CDH12: variants seen among roughly 807,000 people sequenced by gnomAD.
CDH12 encodes the protein cadherin-12.
CDH12 carries 41 observed loss-of-function variants against 74.1 expected under a neutral mutation model. The ratio of observed to expected loss-of-function variants is 0.55; its 90% CI spans 0.43 to 0.72. CDH12 has a LOEUF of 0.72. CDH12 is among the 30% of genes least tolerant of loss of function. CDH12 has a pLI of 0.00. For missense variants in CDH12, 945 were observed against 977.2 expected (o/e 0.97, Z 0.44); for synonymous variants, 399 against 355.0 (o/e 1.12, Z -1.39).
chr5:22,813,868 C>A (rs1273862434), intron 1 of CDH12, among the ~76,000 whole-genome samples: 1 of 152,138 alleles, frequency 6.6e-6, no homozygotes, highest in East Asian at 1.9e-4. Flanking sequence ...TTGATTGCAG[C>A]TTTCTGACAC....
intron 1 of CDH12, among the ~76,000 whole-genome samples, chr5:22,548,620 C>T (rs1404647159): frequency 1.3e-5 from 2 of 152,016 alleles, no homozygotes; most frequent in Non-Finnish European, 2.9e-5. Context: ...CTCTTGGCCA[C>T]AGAAGGGAGT....
At chr5:22,371,679 G>A (rs996993063) in intron 3 of CDH12, among the ~76,000 whole-genome samples, 1 of 152,134 alleles carries the variant, frequency 6.6e-6, no homozygotes, top group African/African-American at 2.4e-5. Context: ...CTTGTATTAT[G>A]TGAATTAACT....
intron 4 of CDH12, among the ~76,000 whole-genome samples, chr5:22,193,412 C>T (rs1240494317): frequency 6.6e-6 from 1 of 152,188 alleles, no homozygotes; most frequent in African/African-American, 2.4e-5. Flanking sequence ...GTCTTTTCTG[C>T]TTTACATAAC....
intron 3 of CDH12, among the ~76,000 whole-genome samples, chr5:22,269,689 T>C (rs1736294803): frequency 6.6e-6 from 1 of 152,174 alleles, no homozygotes; most frequent in Non-Finnish European, 1.5e-5. Flanking sequence ...AGAGTCCCCA[T>C]CCTTCACCTG....
intron 1 of CDH12, among the ~76,000 whole-genome samples, chr5:22,548,955 T>C (rs898132427): frequency 2.0e-5 from 3 of 151,978 alleles, no homozygotes; most frequent in Non-Finnish European, 2.9e-5. Flanking sequence ...GTTTGTTTTT[T>C]AAGTGACAGG....
intron 7 of CDH12, among the ~76,000 whole-genome samples, chr5:21,849,643 G>T (rs2149995362): frequency 6.6e-6 from 1 of 151,748 alleles, no homozygotes; most frequent in South Asian, 2.1e-4. Context: ...TGACTTCATT[G>T]TGTTGGAAAA....
rs185960576 is a variant in CDH12, at chr5:22,823,657, G to C, written c.-523+29401C>G. Among the ~76,000 whole-genome samples, 32 of 152,264 alleles carry C rather than the reference G, an allele frequency of 2.1e-4. No homozygotes were observed. The East Asian group carries it at 6.2e-3, about 29-fold the overall frequency. ...TCAAATTGTAATCCCCAAGTGTTGAGAAAGGGACCTGGCAGGAGGTGATTG... is the reference window on the plus strand; with the variant it reads ...TCAAATTGTAATCCCCAAGTGTTGACAAAGGGACCTGGCAGGAGGTGATTG... On this transcript the variant is annotated intron_variant, in intron 1 of 14. Coordinates refer to ENST00000382254, the MANE Select transcript of CDH12 (RefSeq NM_004061.5).
intron 1 of CDH12, among the ~76,000 whole-genome samples, chr5:22,832,447 T>G (rs1465767569): frequency 6.6e-6 from 1 of 152,160 alleles, no homozygotes; most frequent in Non-Finnish European, 1.5e-5. Context: ...TCAGGAATAC[T>G]TTGAATATAA....
At chr5:22,613,093 A>G (rs1737495627) in intron 1 of CDH12, among the ~76,000 whole-genome samples, 1 of 152,050 alleles carries the variant, frequency 6.6e-6, no homozygotes, top group Non-Finnish European at 1.5e-5. Flanking sequence ...TCTTAATGTG[A>G]TGACATCCAT....
chr5:22,332,971 T>A (rs1739410976), intron 3 of CDH12, among the ~76,000 whole-genome samples: 1 of 152,166 alleles, frequency 6.6e-6, no homozygotes, highest in Non-Finnish European at 1.5e-5. Flanking sequence ...ACTGGCTATA[T>A]ACCCAAAGGA....
chr5:22,703,026 G>A (rs919416614), intron 1 of CDH12, among the ~76,000 whole-genome samples: 1 of 152,022 alleles, frequency 6.6e-6, no homozygotes, highest in African/African-American at 2.4e-5. Flanking sequence ...TCCTCTCAAT[G>A]TTTCATTACC....
At chr5:21,948,647 C>G (rs1755686748) in intron 6 of CDH12, among the ~76,000 whole-genome samples, 1 of 151,836 alleles carries the variant, frequency 6.6e-6, no homozygotes, top group Non-Finnish European at 1.5e-5. Context: ...CTCTGGGGGA[C>G]TGTTAGGAAG....
chr5:22,255,832 C>T (rs1460392224), intron 3 of CDH12, among the ~76,000 whole-genome samples: 1 of 151,806 alleles, frequency 6.6e-6, no homozygotes, highest in Non-Finnish European at 1.5e-5. Flanking sequence ...ACTGATATAA[C>T]ATCAGTATAA....
intron 1 of CDH12, among the ~76,000 whole-genome samples, chr5:22,812,456 T>A (rs890937748): frequency 6.6e-6 from 1 of 152,108 alleles, no homozygotes; most frequent in Non-Finnish European, 1.5e-5. Flanking sequence ...AGAATTCTAG[T>A]TGGGATAGCA....
chr5:22,724,880 A>C (rs1409207757), intron 1 of CDH12, among the ~76,000 whole-genome samples: 1 of 151,856 alleles, frequency 6.6e-6, no homozygotes, highest in Non-Finnish European at 1.5e-5. Flanking sequence ...TAATTTAAAA[A>C]ATTTCTATAT....
intron 5 of CDH12, among the ~76,000 whole-genome samples, chr5:21,990,693 C>A (rs978328795): frequency 6.6e-6 from 1 of 151,678 alleles, no homozygotes; most frequent in African/African-American, 2.4e-5. Flanking sequence ...TTTCTAATGG[C>A]TTTATGTGTC....
chr5:22,827,147 C>T (rs1283844659), intron 1 of CDH12, among the ~76,000 whole-genome samples: 1 of 152,172 alleles, frequency 6.6e-6, no homozygotes, highest in African/African-American at 2.4e-5. Flanking sequence ...GTCCCAGCCC[C>T]TCCAGCCATG....
At chr5:22,529,223 A>C (rs71609299) in intron 1 of CDH12, among the ~76,000 whole-genome samples, 1 of 144,408 alleles carries the variant, frequency 6.9e-6, no homozygotes, top group Non-Finnish European at 1.5e-5. Flanking sequence ...AGAGAGAGAG[A>C]GAAGAGAGAG....
At chr5:22,697,929 C>A (rs1328945760) in intron 1 of CDH12, among the ~76,000 whole-genome samples, 3 of 152,052 alleles carry the variant, frequency 2.0e-5, no homozygotes, top group African/African-American at 4.8e-5. Context: ...GGAAGAGAGA[C>A]ATCACCAGAA....
Sources: gnomAD v4.1 joint callset for allele counts (sites outside exome capture counted in the v4.1 genomes callset) on GRCh38, gnomAD v4.1.1 for gene constraint, MANE v1.5 for transcripts, NCBI Gene and HGNC (gene_info 2026-07-23, HGNC 2026-07-21) for gene names.